Variants in ALG6 observed in about 807,000 individuals in gnomAD.
ALG6 encodes dolichyl pyrophosphate Man9GlcNAc2 alpha-1,3-glucosyltransferase.
A neutral mutation model predicts 66.6 loss-of-function variants in ALG6; 46 were observed. That is an observed-to-expected ratio of 0.69 (90% CI 0.55 to 0.88). The LOEUF (loss-of-function observed/expected upper bound fraction) is 0.88. Ranked by LOEUF, ALG6 falls within the 40% of genes least tolerant of loss-of-function variation. The pLI is 0.00. For missense variants in ALG6, 505 were observed against 586.8 expected (o/e 0.86, Z 1.44); for synonymous variants, 185 against 203.7 (o/e 0.91, Z 0.78).
chr1:63,373,318 C>G lies in ALG6; in HGVS notation c.82+2259C>G, dbSNP rs1647998820. 2.0e-5 allele frequency among the ~76,000 whole-genome samples: 3 copies of G among 151,324 alleles called. No individual in the cohort carries two copies. In the South Asian group the frequency reaches 6.3e-4, roughly 32 times the overall value. On this transcript the variant is annotated intron_variant, in intron 2 of 14. Coordinates refer to ENST00000263440, the MANE Select transcript of ALG6 (RefSeq NM_013339.4). ...CACTATGTCCAGTCAATATTTTAAC[C>G]AGACTATAGTTTCTCTTTTCTCTTA...
intron 4 of ALG6, among the ~76,000 whole-genome samples, chr1:63,404,003 A>T (rs1007936370): frequency 2.6e-5 from 4 of 152,208 alleles, no homozygotes; most frequent in African/African-American, 9.6e-5. Context: ...ATGGTTGAAA[A>T]TTTCATTTAA....
intron 2 of ALG6, among the ~76,000 whole-genome samples, chr1:63,381,765 T>A (rs1648317500): frequency 6.6e-6 from 1 of 152,208 alleles, no homozygotes; most frequent in Admixed American, 6.5e-5. Context: ...GGACTTAATG[T>A]GTCATTGGAG....
At chr1:63,427,889 C>G (rs909550672) in intron 12 of ALG6, among the ~76,000 whole-genome samples, 1 of 150,830 alleles carries the variant, frequency 6.6e-6, no homozygotes, top group Non-Finnish European at 1.5e-5. Context: ...TCACTGCAAC[C>G]TCCTCCTCCC....
At chr1:63,396,329 G>A (rs970213878) in intron 2 of ALG6, among the ~76,000 whole-genome samples, 184 bp from the exon 3 acceptor site, 7 of 151,832 alleles carry the variant, frequency 4.6e-5, no homozygotes, top group East Asian at 1.9e-4. Flanking sequence ...TTTGCCCAGC[G>A]TCACTCCAGC....
rs148322498 is a variant in ALG6, at chr1:63,376,298, C to T, written c.82+5239C>T. Among the ~76,000 whole-genome samples the T allele has an allele frequency of 2.3e-3, 351 of 152,228 alleles. 5 individuals are homozygous for T. Among genetic ancestry groups the T allele is most frequent in the African/African-American group, 8.1e-3 (336 of 41,514 alleles). On this transcript the variant is annotated intron_variant, in intron 2 of 14. Coordinates refer to ENST00000263440, the MANE Select transcript of ALG6 (RefSeq NM_013339.4). ...ACATAGATAAGGTGCAGTTAAAATA[C>T]AGTATGATTATCTTATGGGACCATC...
chr1:63,434,667 C>T (rs1414992131), intron 14 of ALG6, among the ~76,000 whole-genome samples: 1 of 152,044 alleles, frequency 6.6e-6, no homozygotes, highest in Admixed American at 6.6e-5. Context: ...TTATGTGTGG[C>T]CCAAGATAAT....
chr1:63,421,791 C>T (rs1008092322), intron 12 of ALG6, among the ~76,000 whole-genome samples: 7 of 151,282 alleles, frequency 4.6e-5, no homozygotes, highest in African/African-American at 9.7e-5. Flanking sequence ...CCAAACACCA[C>T]GTGTTCTCAC....
rs886046474 is a variant in ALG6, at chr1:63,437,194, A to G, written c.*174A>G. ...GTCTACACAAAATAAATGTATATGG[A>G]GACCAAAGACCAATGGAGGCTTGTC... On this transcript the variant is annotated 3_prime_UTR_variant, in exon 15 of 15. Coordinates refer to ENST00000263440, the MANE Select transcript of ALG6 (RefSeq NM_013339.4). 4 of 595,370 alleles carry G rather than the reference A, an allele frequency of 6.7e-6. No homozygotes were observed. Among genetic ancestry groups the G allele is most frequent in the Non-Finnish European group, 1.2e-5 (4 of 344,992 alleles). 36.9% of individuals were successfully genotyped at this position (595,370 alleles called of 1,614,324 possible).
chr1:63,383,438 C>T (rs1199910482), intron 2 of ALG6, among the ~76,000 whole-genome samples: 1 of 151,866 alleles, frequency 6.6e-6, no homozygotes, highest in African/African-American at 2.4e-5. Flanking sequence ...TTTTTAGATA[C>T]AGTATCTCAC....
At chr1:63,384,220 A>T (rs975391865) in intron 2 of ALG6, among the ~76,000 whole-genome samples, 1 of 152,044 alleles carries the variant, frequency 6.6e-6, no homozygotes, top group African/African-American at 2.4e-5. Flanking sequence ...TGTAGTTTTG[A>T]TTTGCATTTC....
At chr1:63,404,424 A>G in intron 4 of ALG6, 29 bp from the exon 5 acceptor site, 1 of 1,523,822 alleles carries the variant, frequency 6.6e-7, no homozygotes, top group Non-Finnish European at 9.1e-7. Flanking sequence ...TGAGGAATGA[A>G]GTATCTGTAT....
chr1:63,398,766 T>A (rs920337948), intron 3 of ALG6, among the ~76,000 whole-genome samples: 3 of 152,190 alleles, frequency 2.0e-5, no homozygotes, highest in African/African-American at 7.2e-5. Flanking sequence ...TGAGCCACCG[T>A]GCCTGGCCGA....
chr1:63,374,618 ACT>A (rs1244170247), intron 2 of ALG6, among the ~76,000 whole-genome samples: 3 of 105,312 alleles, frequency 2.8e-5, no homozygotes, highest in Non-Finnish European at 5.5e-5. Flanking sequence ...ACAGAGCAAG[ACT>A]CTGTCTCCAA....
chr1:63,401,139 G>A (rs1272583547), intron 3 of ALG6, among the ~76,000 whole-genome samples: 1 of 152,048 alleles, frequency 6.6e-6, no homozygotes, highest in Non-Finnish European at 1.5e-5. Flanking sequence ...GCCACCAGCT[G>A]GTACCATACT....
chr1:63,396,027 A>T (rs1411901706), intron 2 of ALG6, among the ~76,000 whole-genome samples: 1 of 152,202 alleles, frequency 6.6e-6, no homozygotes, highest in Non-Finnish European at 1.5e-5. Context: ...GATTTAAAGT[A>T]TACAAGAGAA....
In ALG6 at chr1:63,428,986, G is replaced by A; in HGVS notation, c.1186G>A (p.Ala396Thr). The A allele has an allele frequency of 6.2e-7, 1 of 1,612,856 alleles. No individual in the cohort carries two copies. Among genetic ancestry groups the A allele is most frequent in the South Asian group, 1.1e-5 (1 of 90,708 alleles). ...AATGCCCTCTGTTGTGACAACAATGGCATTTTTTATAGCTTGTGTAACTTC... is the reference window on the plus strand; with the variant it reads ...AATGCCCTCTGTTGTGACAACAATGACATTTTTTATAGCTTGTGTAACTTC... ...LLMPSVVTTM[A>T]FFIACVTSFS... Residue 396 changes from alanine (A) to threonine (T), a missense_variant, in exon 14 of 15, where the codon GCA (alanine) becomes ACA (threonine). Ala to Thr is a moderately conservative substitution (Grantham distance 58, BLOSUM62 0). Transcript: ENST00000263440.
Position 63,418,454 on chromosome 1 carries a change from A to T in ALG6, c.988-916A>T, listed in dbSNP as rs557259070. ...ATATTTTTCCTTAAGGCAGGAACAC[A>T]TTTGGCAAAAGGAGATGAATGAAGT... is the stretch of plus-strand genomic sequence containing the variant. On this transcript the variant is annotated intron_variant, in intron 11 of 14. Coordinates refer to ENST00000263440, the MANE Select transcript of ALG6 (RefSeq NM_013339.4). Among the ~76,000 whole-genome samples the T allele has an allele frequency of 1.7e-3, 254 of 152,156 alleles. 1 individual carries two copies. The highest frequency in any genetic ancestry group is 5.8e-3 in the African/African-American group (242 of 41,536).
intron 1 of ALG6, among the ~76,000 whole-genome samples, chr1:63,369,194 A>G (rs1209000779): frequency 1.3e-5 from 2 of 152,220 alleles, no homozygotes; most frequent in South Asian, 2.1e-4. Flanking sequence ...TAATGATACA[A>G]ACAGTAAGGG....
chr1:63,370,986 A>G lies in ALG6; in HGVS notation c.9A>G (p.Lys3=), dbSNP rs2100378404. Residue 3 remains lysine, a synonymous_variant, in exon 2 of 15, where the codon AAA becomes AAG. Coordinates refer to ENST00000263440, the MANE Select transcript of ALG6 (RefSeq NM_013339.4). ...CCTAAATTTGAAGAACTATGGAGAAATGGTACTTGATGACAGTAGTGGTTT... is the reference window on the plus strand; with the variant it reads ...CCTAAATTTGAAGAACTATGGAGAAGTGGTACTTGATGACAGTAGTGGTTT... ME[K]WYLMTVVVLI... 9 of 1,606,842 alleles carry G rather than the reference A, an allele frequency of 5.6e-6. No homozygotes were observed. Among genetic ancestry groups the G allele is most frequent in the Non-Finnish European group, 7.7e-6 (9 of 1,173,470 alleles).
Sources: allele counts gnomAD v4.1 joint callset (sites outside exome capture counted in the v4.1 genomes callset), GRCh38; gene constraint gnomAD v4.1.1; transcripts MANE v1.5; gene names NCBI Gene and HGNC (gene_info 2026-07-23, HGNC 2026-07-21).